Variants in PSME4 observed in about 807,000 individuals in gnomAD.
PSME4 encodes proteasome activator complex subunit 4.
In PSME4, 89 loss-of-function variants were observed where a neutral mutation model predicts 253.9. The observed-to-expected ratio is 0.35, with a 90% CI of 0.30 to 0.42. The LOEUF (loss-of-function observed/expected upper bound fraction) is 0.42, where lower values mean the gene tolerates loss of function less well. Among genes scored for constraint, PSME4 ranks in the 10% least tolerant of loss-of-function variants. PSME4 has a pLI of 1.00. For synonymous variants in PSME4, 851 were observed against 759.2 expected (o/e 1.12, Z -1.99); for missense variants, 2,014 against 2,195.2 (o/e 0.92, Z 1.65).
At chr2:53,943,662 G>A (rs1669561663) in intron 3 of PSME4, among the ~76,000 whole-genome samples, 1 of 151,936 alleles carries the variant, frequency 6.6e-6, no homozygotes, top group Non-Finnish European at 1.5e-5. Flanking sequence ...CCAACATGAT[G>A]AAACCCCATC....
chr2:53,904,559 T>C (rs805429), intron 26 of PSME4, among the ~76,000 whole-genome samples: 44,411 of 152,106 alleles, frequency 0.29, 6,930 homozygotes, highest in South Asian at 0.48. Context: ...GGAACTAAAA[T>C]AAACCAAAAC....
At chr2:53,882,914 T>TA (rs986611267) in intron 41 of PSME4, among the ~76,000 whole-genome samples, 1 of 124,368 alleles carries the variant, frequency 8.0e-6, no homozygotes, top group Non-Finnish European at 1.9e-5. Flanking sequence ...AAAAAATAAA[T>TA]AAATAAGATA....
chr2:53,966,333 T>C (rs1320419434), intron 1 of PSME4, among the ~76,000 whole-genome samples: 1 of 152,082 alleles, frequency 6.6e-6, no homozygotes, highest in Non-Finnish European at 1.5e-5. Context: ...AATTTAAAGT[T>C]TGAAAAACCA....
At chr2:53,879,613 A>C (rs1434757672) in intron 41 of PSME4, among the ~76,000 whole-genome samples, 1 of 152,292 alleles carries the variant, frequency 6.6e-6, no homozygotes, top group South Asian at 2.1e-4. Context: ...TAGTAATCCC[A>C]AATTTGAATT....
Position 53,897,980 on chromosome 2 carries a change from T to C in PSME4, c.3496A>G (p.Ile1166Val). The change falls in exon 31 of 47, where the codon ATA becomes GTA. Residue 1166 changes from isoleucine to valine, a missense_variant. Coordinates refer to ENST00000404125, the MANE Select transcript of PSME4 (RefSeq NM_014614.3). ...AGTAGAGACAGAAGCCCAATGCCTA[T>C]ATGTTCAAATTTCCAGGGCCTTAAA... ...QRNLPWKFEH[I>V]GIGLLSLLLR... 1 of 1,613,852 alleles carries C rather than the reference T, an allele frequency of 6.2e-7. No individual in the cohort carries two copies. The highest frequency in any genetic ancestry group is 8.5e-7 in the Non-Finnish European group (1 of 1,179,840).
chr2:53,968,274 CAA>C (rs575802007), intron 1 of PSME4, among the ~76,000 whole-genome samples: 28 of 95,122 alleles, frequency 2.9e-4, no homozygotes, highest in South Asian at 3.0e-4. Context: ...GACTCCACCT[CAA>C]AAAAAAAAAA....
intron 1 of PSME4, among the ~76,000 whole-genome samples, chr2:53,964,899 AAAC>A (rs1316425415): frequency 5.3e-5 from 8 of 152,230 alleles, no homozygotes; most frequent in Admixed American, 1.3e-4. Flanking sequence ...TGTAATAATA[AAAC>A]AACTGTACTT....
chr2:53,899,825 A>C, intron 29 of PSME4, 56 bp downstream of exon 29: 2 of 1,585,144 alleles, frequency 1.3e-6, no homozygotes, highest in East Asian at 4.5e-5. Flanking sequence ...CTCAAAAAAA[A>C]GCCAAAACTT....
intron 20 of PSME4, among the ~76,000 whole-genome samples, chr2:53,913,579 T>C (rs1247973335): frequency 6.6e-6 from 1 of 152,176 alleles, no homozygotes; most frequent in East Asian, 1.9e-4. Context: ...AAGCCACTAA[T>C]AGATTTTTTC....
At chr2:53,905,679 G>A (rs976960874) in intron 26 of PSME4, among the ~76,000 whole-genome samples, 4 of 152,164 alleles carry the variant, frequency 2.6e-5, no homozygotes, top group South Asian at 2.1e-4. Context: ...GGTGATGTAC[G>A]CCTATAATCC....
intron 36 of PSME4, among the ~76,000 whole-genome samples, chr2:53,891,120 G>C (rs1679886408): frequency 6.6e-6 from 1 of 152,168 alleles, no homozygotes; most frequent in Non-Finnish European, 1.5e-5. Flanking sequence ...CCTCAATCAA[G>C]TTTTCCATGT....
intron 35 of PSME4, 147 bp downstream of exon 35, chr2:53,893,527 A>G (rs183938764): frequency 2.1e-5 from 30 of 1,439,554 alleles, no homozygotes; most frequent in Non-Finnish European, 2.6e-5. Context: ...TAACGACAAC[A>G]AAAGTCTGTA....
In PSME4 at chr2:53,885,716, G is replaced by A; in HGVS notation, c.4789C>T (p.Leu1597Phe). 6.2e-7 allele frequency: 1 copy of A among 1,612,800 alleles called. No homozygotes were observed. Among genetic ancestry groups the A allele is most frequent in the Non-Finnish European group, 8.5e-7 (1 of 1,179,022 alleles). ...TTGAAAAACAAAGGTAGAAGCTGAA[G>A]TTGTTCTGTAACTGCTGTAGAAAAG... is the stretch of plus-strand genomic sequence containing the variant. ...RSFSTAVTEQ[L>F]QLLPLFFKIA... is the part of the protein sequence containing the mutation. The change falls in exon 41 of 47, where the codon CTT (leucine) becomes TTT (phenylalanine). Residue 1597 changes from leucine to phenylalanine, a missense_variant. This residue lies in a region of PSME4 where 403 missense variants were observed against 556.1 expected (regional missense o/e 0.72). Transcript: ENST00000404125.
intron 20 of PSME4, among the ~76,000 whole-genome samples, chr2:53,913,962 T>C (rs1428314042): frequency 6.6e-6 from 1 of 152,236 alleles, no homozygotes; most frequent in African/African-American, 2.4e-5. Flanking sequence ...TAGCTAGCCC[T>C]GCCCCTCATT....
chr2:53,915,560 C>G (rs1668020810), intron 20 of PSME4, among the ~76,000 whole-genome samples: 1 of 150,746 alleles, frequency 6.6e-6, no homozygotes, highest in Admixed American at 6.6e-5. Context: ...CCTTGTCTCT[C>G]TATATTTTTT....
intron 12 of PSME4, among the ~76,000 whole-genome samples, 199 bp from the exon 13 acceptor site, chr2:53,926,222 G>T (rs917327702): frequency 6.6e-6 from 1 of 152,090 alleles, no homozygotes; most frequent in Admixed American, 6.6e-5. Context: ...AGGAACCAAA[G>T]AAAGAAGAAA....
At chr2:53,955,169 T>A (rs556746300) in intron 1 of PSME4, among the ~76,000 whole-genome samples, 1 of 152,142 alleles carries the variant, frequency 6.6e-6, no homozygotes, top group East Asian at 1.9e-4. Flanking sequence ...AGACCCTGAC[T>A]CTCCAAAAAT....
At chr2:53,911,561 A>G (rs895855900) in intron 20 of PSME4, among the ~76,000 whole-genome samples, 8 of 152,178 alleles carry the variant, frequency 5.3e-5, no homozygotes, top group African/African-American at 1.9e-4. Flanking sequence ...AAGAGTAACA[A>G]GAATAAAGCA....
chr2:53,966,100 C>A lies in PSME4; in HGVS notation c.242+4443G>T, dbSNP rs573996142. 7.8e-4 allele frequency among the ~76,000 whole-genome samples: 118 copies of A among 152,156 alleles called. 1 individual carries two copies. The highest frequency in any genetic ancestry group is 2.3e-3 in the African/African-American group (97 of 41,534). On this transcript the variant is annotated intron_variant, in intron 1 of 46. Coordinates refer to ENST00000404125, the MANE Select transcript of PSME4 (RefSeq NM_014614.3). Reference sequence around the variant, plus strand: ...CAGGAGTTTGAGACAGCCTGGGCAACATGGCAAAACCCCCTCTCTAATAAA... The same window carrying A: ...CAGGAGTTTGAGACAGCCTGGGCAAAATGGCAAAACCCCCTCTCTAATAAA...
Sources: gnomAD v4.1 joint callset for allele counts (sites outside exome capture counted in the v4.1 genomes callset) on GRCh38, gnomAD v4.1.1 for gene constraint, gnomAD v4.1.1 regional missense constraint, MANE v1.5 for transcripts, NCBI Gene and HGNC (gene_info 2026-07-23, HGNC 2026-07-21) for gene names.